The following ALG8 variants were observed in gnomAD, a reference collection of about 807,000 sequenced individuals.
ALG8 encodes dolichyl pyrophosphate Glc1Man9GlcNAc2 alpha-1,3-glucosyltransferase.
In ALG8, 48 loss-of-function variants were observed where a neutral mutation model predicts 70.2. The observed-to-expected ratio is 0.68, with a 90% confidence interval of 0.54 to 0.87. The LOEUF is 0.87. ALG8 is among the 40% of genes least tolerant of loss of function. ALG8 has a pLI of 0.00. For synonymous variants in ALG8, 234 were observed against 229.0 expected (o/e 1.02, Z -0.20); for missense variants, 572 against 608.7 (o/e 0.94, Z 0.64).
chr11:78,122,835 A>T lies in ALG8; in HGVS notation c.368+1186T>A, dbSNP rs565493671. On this transcript the variant is annotated intron_variant, in intron 3 of 12. Transcript: ENST00000299626. ...AACAGATTGAAAGGAAGGGTTTCAA[A>T]CAGGATTATTCAATGAGAATGCGCA... Among the ~76,000 whole-genome samples the T allele has an allele frequency of 2.8e-4, 41 of 148,384 alleles. 1 individual carries two copies. In the South Asian group the frequency reaches 8.8e-3, roughly 32 times the overall value.
rs375377321 is a variant in ALG8, at chr11:78,119,159, T to C, written c.546+23A>G. On this transcript the variant is annotated intron_variant, in intron 5 of 12. Coordinates refer to ENST00000299626, the MANE Select transcript of ALG8 (RefSeq NM_024079.5). ...AAAAACTAATCTAAAAGGGAAAAAATCTAATTAAACAATTATGTTTACCTG... is the reference window on the plus strand; with the variant it reads ...AAAAACTAATCTAAAAGGGAAAAAACCTAATTAAACAATTATGTTTACCTG... 10 of 1,565,726 alleles carry C rather than the reference T, an allele frequency of 6.4e-6. No individual in the cohort carries two copies. The African/African-American group carries it at 1.4e-4, about 21-fold the overall frequency.
intron 10 of ALG8, among the ~76,000 whole-genome samples, chr11:78,105,648 T>TAAA (rs200968449): frequency 5.5e-5 from 6 of 108,590 alleles, no homozygotes; most frequent in African/African-American, 1.3e-4. Context: ...TACCAAAAAG[T>TAAA]AAAAAAAAAA....
At chr11:78,109,196 C>T (rs530771166) in intron 9 of ALG8, among the ~76,000 whole-genome samples, 15 of 152,096 alleles carry the variant, frequency 9.9e-5, no homozygotes, top group Non-Finnish European at 1.9e-4. Flanking sequence ...TTTTCCCTTC[C>T]CCCGGGTGAA....
chr11:78,131,084 T>C (rs902011517), intron 1 of ALG8, among the ~76,000 whole-genome samples: 1 of 151,610 alleles, frequency 6.6e-6, no homozygotes, highest in Non-Finnish European at 1.5e-5. Flanking sequence ...AGTTGTACTA[T>C]ATAGACTTTT....
chr11:78,139,364 C>G (rs754233497), intron 1 of ALG8, 130 bp downstream of exon 1: 298 of 942,590 alleles, frequency 3.2e-4, no homozygotes, highest in Non-Finnish European at 3.1e-4. Flanking sequence ...GAAAGCTTAG[C>G]AAAGGCAGGA....
chr11:78,113,452 C>T (rs658515), intron 7 of ALG8, among the ~76,000 whole-genome samples: 28,391 of 151,980 alleles, frequency 0.19, 3,000 homozygotes, highest in Middle Eastern at 0.29. Context: ...GTGGCTCATG[C>T]CTTTAATCCC....
At chr11:78,112,617 CAG>C (rs778730919) in intron 8 of ALG8, 31 bp downstream of exon 8, 2 of 1,611,634 alleles carry the variant, frequency 1.2e-6, no homozygotes, top group Non-Finnish European at 1.7e-6. Context: ...TTTCAATATT[CAG>C]AGTCTGAGTA....
At chr11:78,103,688 G>A (rs775855363) in intron 12 of ALG8, among the ~76,000 whole-genome samples, 1 of 150,156 alleles carries the variant, frequency 6.7e-6, no homozygotes, top group Admixed American at 6.6e-5. Flanking sequence ...ATATCTATCT[G>A]TATTTAATAG....
At chr11:78,128,102 G>A (rs1396063191) in intron 1 of ALG8, among the ~76,000 whole-genome samples, 1 of 152,186 alleles carries the variant, frequency 6.6e-6, no homozygotes, top group Non-Finnish European at 1.5e-5. Flanking sequence ...CCTGAAAAAG[G>A]CCTCATATAC....
rs147780183 is a variant in ALG8, at chr11:78,113,371, G to GTATA, written c.777+511_777+514dup. Among the ~76,000 whole-genome samples the GTATA allele has an allele frequency of 1.4e-4, 21 of 151,594 alleles. No individual in the cohort carries two copies. The South Asian group carries it at 3.8e-3, about 27-fold the overall frequency. Reference sequence around the variant, plus strand: ...GTAATGTACAGTTAAACATATACATGTATATATATATACATATTTGAATGT... The same window carrying GTATA: ...GTAATGTACAGTTAAACATATACATGTATATATATATATATACATATTTGAATGT... On this transcript the variant is annotated intron_variant, in intron 7 of 12. Coordinates refer to ENST00000299626, the MANE Select transcript of ALG8 (RefSeq NM_024079.5).
Position 78,124,024 on chromosome 11 carries a change from C to G in ALG8, c.365G>C (p.Arg122Pro). The G allele has an allele frequency of 6.2e-7, 1 of 1,614,042 alleles. No individual in the cohort carries two copies. ...FMDVLFVYAV[R>P]ECCKCIDGKK... ...AAATGACATGCTCCAGACTTACTCACGGACAGCATACACAAAGAGTACATC... is the reference window on the plus strand; with the variant it reads ...AAATGACATGCTCCAGACTTACTCAGGGACAGCATACACAAAGAGTACATC... Residue 122 changes from arginine to proline, a missense_variant, in exon 3 of 13, where the codon CGT (arginine) becomes CCT (proline). Arg to Pro is a moderately radical substitution (Grantham distance 103). Coordinates refer to ENST00000299626, the MANE Select transcript of ALG8 (RefSeq NM_024079.5).
chr11:78,114,091 C>T (rs1860446950), intron 6 of ALG8, 102 bp from the exon 7 acceptor site: 11 of 1,346,656 alleles, frequency 8.2e-6, no homozygotes, highest in Non-Finnish European at 1.0e-5. Context: ...AATAGTATAC[C>T]AATCTATTCA....
At position 78,113,699 on chromosome 11, in the gene ALG8, T is replaced by C. The variant is rs570219; in HGVS notation, c.777+187A>G. Among the ~76,000 whole-genome samples the C allele has an allele frequency of 0.23, 31,431 of 135,682 alleles. 4,310 individuals are homozygous for C. Among genetic ancestry groups the C allele is most frequent in the African/African-American group, 0.41 (14,816 of 36,112 alleles). The allele number at this position is 135,682 out of a possible 152,430, so 89.0% of individuals were successfully genotyped here. ...CTGCATTCCAGCCTGGGCGACACAG[T>C]GAGACTCCATCTTAAACAAAAACAA... On this transcript the variant is annotated intron_variant, in intron 7 of 12. Transcript: ENST00000299626.
At chr11:78,108,478 G>A (rs1214526113) in intron 9 of ALG8, among the ~76,000 whole-genome samples, 1 of 151,952 alleles carries the variant, frequency 6.6e-6, no homozygotes, top group African/African-American at 2.4e-5. Flanking sequence ...ATTAAGTTCT[G>A]GGATGTACAG....
Position 78,109,832 on chromosome 11 carries a change from G to A in ALG8, c.899-251C>T, listed in dbSNP as rs147646844. Among the ~76,000 whole-genome samples, 289 of 152,284 alleles carry A rather than the reference G, an allele frequency of 1.9e-3. 2 individuals are homozygous for A. Among genetic ancestry groups the A allele is most frequent in the African/African-American group, 6.7e-3 (280 of 41,566 alleles). On this transcript the variant is annotated intron_variant, in intron 8 of 12. Transcript: ENST00000299626. ...CAGCTTATAGGAAACTTGCTGGCAG[G>A]CAGCACAAATGGTAATCTGCTCTCA...
chr11:78,139,170 T>C (rs2136958455), intron 1 of ALG8: 1 of 405,970 alleles, frequency 2.5e-6, no homozygotes, highest in East Asian at 5.4e-5. Flanking sequence ...GTTAGAACGG[T>C]ACCTGGCACC....
chr11:78,111,768 A>G (rs1367148913), intron 8 of ALG8, among the ~76,000 whole-genome samples: 2 of 152,080 alleles, frequency 1.3e-5, no homozygotes, highest in African/African-American at 4.8e-5. Flanking sequence ...TTGTATTCAC[A>G]AATGAGAGAC....
intron 2 of ALG8, among the ~76,000 whole-genome samples, chr11:78,124,933 G>A (rs1315483823): frequency 4.6e-5 from 7 of 152,010 alleles, no homozygotes; most frequent in Admixed American, 6.6e-5. Flanking sequence ...ATAACCACTA[G>A]TTAAAGGAAC....
exon 1 of ALG8, chr11:78,139,623 CCACAT>C: frequency 6.5e-7 from 1 of 1,545,636 alleles, no homozygotes; most frequent in Non-Finnish European, 8.8e-7. Flanking sequence ...CCAACTTGAT[CCACAT>C]CCGGGATCCC....
Sources: allele counts gnomAD v4.1 joint callset (sites outside exome capture counted in the v4.1 genomes callset), GRCh38; gene constraint gnomAD v4.1.1; transcripts MANE v1.5; gene names NCBI Gene and HGNC (gene_info 2026-07-23, HGNC 2026-07-21).